The following ATP8B4 variants were observed in gnomAD, a reference collection of about 807,000 sequenced individuals.
ATP8B4 encodes ATPase phospholipid transporting 8B4 (putative).
A neutral mutation model predicts 145.6 loss-of-function variants in ATP8B4; 133 were observed. That is an observed-to-expected ratio of 0.91 (90% CI 0.79 to 1.05). ATP8B4 has a LOEUF of 1.05. Among genes scored for constraint, ATP8B4 ranks in the 50% least tolerant of loss-of-function variants. The probability of loss-of-function intolerance (pLI) is 0.00; values close to 1 mark genes in which losing one functional copy is unlikely to be tolerated. For missense variants in ATP8B4, 1,458 were observed against 1,425.2 expected (o/e 1.02, Z -0.37); for synonymous variants, 507 against 492.9 (o/e 1.03, Z -0.38).
chr15:50,028,889 T>C (rs1264240532), intron 6 of ATP8B4, among the ~76,000 whole-genome samples: 1 of 152,116 alleles, frequency 6.6e-6, no homozygotes, highest in Non-Finnish European at 1.5e-5. Context: ...TGCTATAACA[T>C]GTCACCACAA....
At chr15:49,936,676 G>A (rs1306854337) in intron 14 of ATP8B4, among the ~76,000 whole-genome samples, 4 of 151,972 alleles carry the variant, frequency 2.6e-5, no homozygotes, top group Admixed American at 6.6e-5. Context: ...TGGAAGATTT[G>A]GGGAAGTTCT....
At chr15:50,129,040 C>G (rs1398716686) in intron 1 of ATP8B4, among the ~76,000 whole-genome samples, 1 of 152,092 alleles carries the variant, frequency 6.6e-6, no homozygotes, top group Admixed American at 6.5e-5. Context: ...TGCACTCCAG[C>G]CTGGGTGACA....
chr15:49,871,985 C>A (rs1425575853), intron 25 of ATP8B4, among the ~76,000 whole-genome samples: 1 of 152,126 alleles, frequency 6.6e-6, no homozygotes, highest in Admixed American at 6.6e-5. Flanking sequence ...AACCCTGTAA[C>A]GTGGCAAAGT....
At chr15:50,040,808 T>C (rs1178610409) in intron 5 of ATP8B4, among the ~76,000 whole-genome samples, 1 of 152,100 alleles carries the variant, frequency 6.6e-6, no homozygotes, top group Non-Finnish European at 1.5e-5. Context: ...TATTGACAAT[T>C]TCTCCTCTAA....
At chr15:50,004,051 C>T (rs2048118159) in intron 7 of ATP8B4, among the ~76,000 whole-genome samples, 1 of 152,170 alleles carries the variant, frequency 6.6e-6, no homozygotes, top group Admixed American at 6.5e-5. Context: ...CCCATCTCCC[C>T]AGTTACCAGC....
chr15:50,096,059 G>T (rs1021168751), intron 2 of ATP8B4, among the ~76,000 whole-genome samples: 2 of 152,172 alleles, frequency 1.3e-5, no homozygotes, highest in Non-Finnish European at 2.9e-5. Context: ...CCATAGAGAT[G>T]AACAGAAACC....
At chr15:49,909,821 C>T (rs757465262) in intron 20 of ATP8B4, among the ~76,000 whole-genome samples, 14 of 151,094 alleles carry the variant, frequency 9.3e-5, no homozygotes, top group African/African-American at 1.2e-4. Flanking sequence ...CCTACCCAAC[C>T]AATACCAAGA....
rs775418221 is a variant in ATP8B4, at chr15:50,106,916, C to T, written c.28+23G>A. 1.0e-5 allele frequency: 16 copies of T among 1,581,848 alleles called. No homozygotes were observed. In the East Asian group the frequency reaches 3.2e-4, roughly 31 times the overall value. On this transcript the variant is annotated intron_variant, in intron 2 of 27. Transcript: ENST00000284509. ...ATATTTTTAAAATATCACTTTGCAT[C>T]ATTGGAAGAACTCAAAACTTACCAC...
At chr15:50,127,055 T>G (rs2057312395) in intron 1 of ATP8B4, among the ~76,000 whole-genome samples, 1 of 152,170 alleles carries the variant, frequency 6.6e-6, no homozygotes, top group Non-Finnish European at 1.5e-5. Flanking sequence ...AAACAAATCT[T>G]AACCAATCGC....
intron 25 of ATP8B4, 76 bp from the exon 26 acceptor site, chr15:49,866,560 G>A (rs528809356): frequency 6.7e-5 from 104 of 1,548,188 alleles, no homozygotes; most frequent in East Asian, 4.1e-4. Flanking sequence ...GATGTTTCGC[G>A]AGAACTGCCC....
At chr15:50,035,004 T>C (rs1286216291) in intron 6 of ATP8B4, among the ~76,000 whole-genome samples, 2 of 152,212 alleles carry the variant, frequency 1.3e-5, no homozygotes, top group Admixed American at 6.5e-5. Flanking sequence ...GAAGGAATCA[T>C]GCCACCGCTA....
chr15:49,869,822 G>C (rs1490504929), intron 25 of ATP8B4, among the ~76,000 whole-genome samples: 1 of 152,222 alleles, frequency 6.6e-6, no homozygotes, highest in South Asian at 2.1e-4. Context: ...TTTTAATAAA[G>C]CTCTTTTTTT....
At chr15:49,922,243 C>A in intron 17 of ATP8B4, 1 of 178,822 alleles carries the variant, frequency 5.6e-6, no homozygotes, top group South Asian at 9.6e-5. Context: ...AATTATTTTG[C>A]AGAGAAATGT....
chr15:49,930,275 G>C (rs1015707152), intron 16 of ATP8B4, among the ~76,000 whole-genome samples: 1 of 152,014 alleles, frequency 6.6e-6, no homozygotes, highest in Non-Finnish European at 1.5e-5. Context: ...AAGACTTAAT[G>C]GTGTGCATTC....
chr15:50,116,229 G>A (rs2057156126), intron 1 of ATP8B4, among the ~76,000 whole-genome samples: 1 of 152,158 alleles, frequency 6.6e-6, no homozygotes, highest in South Asian at 2.1e-4. Context: ...ACCAGCCTGG[G>A]CAACATAGTG....
At chr15:49,881,349 C>A (rs2035385110) in intron 23 of ATP8B4, among the ~76,000 whole-genome samples, 1 of 152,076 alleles carries the variant, frequency 6.6e-6, no homozygotes, top group Non-Finnish European at 1.5e-5. Context: ...TATTAACTGT[C>A]TTTTATTTTT....
At chr15:50,110,856 A>G (rs1476185751) in intron 1 of ATP8B4, among the ~76,000 whole-genome samples, 1 of 152,268 alleles carries the variant, frequency 6.6e-6, no homozygotes, top group Non-Finnish European at 1.5e-5. Context: ...ATATTAATTT[A>G]AAAAGCAGTG....
At chr15:49,978,815 G>GGTGTGTGT (rs60135914) in intron 12 of ATP8B4, among the ~76,000 whole-genome samples, 44 of 145,314 alleles carry the variant, frequency 3.0e-4, no homozygotes, top group African/African-American at 1.0e-3. Flanking sequence ...AATAAAGAGG[G>GGTGTGTGT]GTGTGTGTGT....
Position 49,946,527 on chromosome 15 carries a change from C to T in ATP8B4, c.1288-12345G>A, listed in dbSNP as rs908141925. Reference sequence around the variant, plus strand: ...CCAATTTCCTGTTGCTTCCTTTAAACAGATCATTCAAGCATTTTCCTGTGA... The same window carrying T: ...CCAATTTCCTGTTGCTTCCTTTAAATAGATCATTCAAGCATTTTCCTGTGA... On this transcript the variant is annotated intron_variant, in intron 14 of 27. Coordinates refer to ENST00000284509, the MANE Select transcript of ATP8B4 (RefSeq NM_024837.4). 2.0e-5 allele frequency among the ~76,000 whole-genome samples: 3 copies of T among 152,138 alleles called. No individual in the cohort carries two copies. In the East Asian group the frequency reaches 5.8e-4, roughly 29 times the overall value.
Sources: gnomAD v4.1 joint callset for allele counts (sites outside exome capture counted in the v4.1 genomes callset) on GRCh38, gnomAD v4.1.1 for gene constraint, MANE v1.5 for transcripts, NCBI Gene and HGNC (gene_info 2026-07-23, HGNC 2026-07-21) for gene names.